The following MYL3 variants were observed in gnomAD, a reference collection of about 807,000 sequenced individuals.
MYL3 encodes CMLC1.
MYL3 carries 11 observed loss-of-function variants against 21.3 expected under a neutral mutation model. The ratio of observed to expected loss-of-function variants is 0.52; its 90% CI spans 0.32 to 0.85. The LOEUF is 0.85. Ranked by LOEUF, MYL3 falls within the 40% of genes least tolerant of loss-of-function variation. MYL3 has a pLI of 0.03. For synonymous variants in MYL3, 88 were observed against 91.6 expected (o/e 0.96, Z 0.22); for missense variants, 206 against 253.3 (o/e 0.81, Z 1.27).
intron 1 of MYL3, chr3:46,881,944 G>C (rs967979234): frequency 3.9e-5 from 6 of 152,028 alleles, no homozygotes; most frequent in African/African-American, 1.5e-4. Context: ...AGCGGGGGCC[G>C]GATGATCAAG....
At chr3:46,864,523 A>G (rs550762906), upstream of MYL3, among the ~76,000 whole-genome samples, 1 of 152,222 alleles carries the variant, frequency 6.6e-6, no homozygotes, top group African/African-American at 2.4e-5. The surrounding 1 kb of genome is among the most constrained non-coding windows in gnomAD (Gnocchi z 4.7). Flanking sequence ...CTCTGCCCAG[A>G]GTGCCCTCGC....
At chr3:46,878,280 C>G (rs868324204) in intron 1 of MYL3, among the ~76,000 whole-genome samples, 1 of 152,340 alleles carries the variant, frequency 6.6e-6, no homozygotes, top group African/African-American at 2.4e-5. Context: ...AAAGTGGCAC[C>G]TCGCTTCACT....
At position 46,859,675 on chromosome 3, in the gene MYL3, G is replaced by A. The variant is rs775782581; in HGVS notation, c.308-27C>T. On this transcript the variant is annotated intron_variant, in intron 3 of 6. Coordinates refer to ENST00000292327, the MANE Select transcript of MYL3 (RefSeq NM_000258.3). This position sits in a 1 kb window ranked among gnomAD's most constrained non-coding sequence, Gnocchi z 4.1. ...TGCAGAGAAATGGTCCCAGGTTCCA[G>A]GGTCTAAGGCTGGGGTGGGCACACC... 1.2e-6 allele frequency: 2 copies of A among 1,614,028 alleles called. No homozygotes were observed. The highest frequency in any genetic ancestry group is 3.3e-5 in the Admixed American group (2 of 60,030).
At chr3:46,864,689 C>T (rs1483138883), upstream of MYL3, among the ~76,000 whole-genome samples, 1 of 152,216 alleles carries the variant, frequency 6.6e-6, no homozygotes, top group Non-Finnish European at 1.5e-5. This position sits in a 1 kb window ranked among gnomAD's most constrained non-coding sequence, Gnocchi z 4.7. Flanking sequence ...AGCTGCCAAG[C>T]AGGGTCTGCC....
chr3:46,865,105 C>T (rs2106916929), upstream of MYL3, among the ~76,000 whole-genome samples: 1 of 152,262 alleles, frequency 6.6e-6, no homozygotes, highest in South Asian at 2.1e-4. This position sits in a 1 kb window ranked among gnomAD's most constrained non-coding sequence, Gnocchi z 4.3. Flanking sequence ...ACCTGGCACG[C>T]CCTGCTGTCT....
At chr3:46,863,927 G>A (rs984625336), upstream of MYL3, among the ~76,000 whole-genome samples, 9 of 152,034 alleles carry the variant, frequency 5.9e-5, no homozygotes, top group Admixed American at 2.0e-4. Context: ...GGGGGAAGGC[G>A]GAAGTCAGCA....
At chr3:46,881,324 C>A (rs1429689532) in intron 1 of MYL3, among the ~76,000 whole-genome samples, 1 of 152,176 alleles carries the variant, frequency 6.6e-6, no homozygotes, top group Admixed American at 6.5e-5. Context: ...CCCTCCCCAG[C>A]CAAACACAGA....
At chr3:46,858,203 G>C (rs781174287) in intron 6 of MYL3, 28 bp downstream of exon 6, 2 of 1,613,302 alleles carry the variant, frequency 1.2e-6, no homozygotes, top group South Asian at 1.1e-5. Flanking sequence ...GGTGGCAGCA[G>C]CGGGTTCAGG....
At chr3:46,868,752 T>C (rs1197967889) in intron 1 of MYL3, among the ~76,000 whole-genome samples, 3 of 152,220 alleles carry the variant, frequency 2.0e-5, no homozygotes, top group African/African-American at 4.8e-5. Flanking sequence ...TGGCCCTGAC[T>C]TCTCAGGGGC....
rs1391987127 is a variant in MYL3 at position 46,859,489 on chromosome 3, A to C, written c.467T>G (p.Val156Gly). 6.2e-7 allele frequency: 1 copy of C among 1,614,200 alleles called. No individual in the cohort carries two copies. The highest frequency in any genetic ancestry group is 1.1e-5 in the South Asian group (1 of 91,088). Residue 156 changes from valine to glycine, a missense_variant, in exon 4 of 7, where the codon GTG (valine) becomes GGG (glycine). Transcript: ENST00000292327. This position sits in a 1 kb window ranked among gnomAD's most constrained non-coding sequence, Gnocchi z 4.1. The part of the protein sequence containing the change: ...GTVMGAELRH[V>G]LATLGERLTE... ...GCTGCCCTCACCCAGCGTGGCCAGC[A>C]CGTGGCGAAGCTCAGCACCCATGAC...
At chr3:46,858,691 A>AG (rs1187272636) in intron 4 of MYL3, among the ~76,000 whole-genome samples, 1 of 152,086 alleles carries the variant, frequency 6.6e-6, no homozygotes, top group Non-Finnish European at 1.5e-5. Flanking sequence ...CTAGGCTGGG[A>AG]GGGGGTCCCT....
intron 1 of MYL3, among the ~76,000 whole-genome samples, chr3:46,872,798 C>T (rs957085746): frequency 6.6e-6 from 1 of 152,230 alleles, no homozygotes; most frequent in Non-Finnish European, 1.5e-5. Context: ...GAGAAGATGC[C>T]GTCAGGCAGA....
chr3:46,879,486 T>C lies in MYL3; in HGVS notation c.-218+2588A>G, dbSNP rs2030424158. On this transcript the variant is annotated intron_variant, in intron 1 of 3. Transcript: ENST00000431168. This position sits in a 1 kb window ranked among gnomAD's most constrained non-coding sequence, Gnocchi z 4.7. ...GGCCAGGTGCGGTGGTTCATGCCTG[T>C]AATCCCAGCACTTTGGGAGGCCGAG... Among the ~76,000 whole-genome samples the C allele has an allele frequency of 1.3e-5, 2 of 152,164 alleles. No homozygotes were observed. Among genetic ancestry groups the C allele is most frequent in the African/African-American group, 2.4e-5 (1 of 41,430 alleles).
At chr3:46,873,186 G>A (rs2030005150) in intron 1 of MYL3, among the ~76,000 whole-genome samples, 1 of 152,224 alleles carries the variant, frequency 6.6e-6, no homozygotes, top group South Asian at 2.1e-4. Flanking sequence ...TCAGAGAGGA[G>A]GGGGCCTTTG....
At chr3:46,877,861 G>C (rs74525216) in intron 1 of MYL3, 93 of 152,408 alleles carry the variant, frequency 6.1e-4, no homozygotes, top group African/African-American at 2.2e-3. Context: ...GGGGCCAGGG[G>C]AGCCTAGGGG....
Position 46,860,601 on chromosome 3 carries a change from G to T in MYL3, c.307+75C>A. On this transcript the variant is annotated intron_variant, in intron 3 of 6. Transcript: ENST00000292327. This position sits in a 1 kb window ranked among gnomAD's most constrained non-coding sequence, Gnocchi z 4.6. ...TCAGGAAAGATTCTCGTGCTATCCC[G>T]CAGGATGGATGGCAGCCCACCCAGC... 3 of 1,587,234 alleles carry T rather than the reference G, an allele frequency of 1.9e-6. No homozygotes were observed. Among genetic ancestry groups the T allele is most frequent in the East Asian group, 2.2e-5 (1 of 44,588 alleles).
intron 1 of MYL3, among the ~76,000 whole-genome samples, chr3:46,881,700 G>C (rs572345384): frequency 6.6e-6 from 1 of 152,216 alleles, no homozygotes; most frequent in Non-Finnish European, 1.5e-5. Context: ...TGGGACTGAG[G>C]GCAGGGGACG....
intron 1 of MYL3, among the ~76,000 whole-genome samples, chr3:46,875,644 G>A (rs928833295): frequency 6.6e-6 from 1 of 152,188 alleles, no homozygotes; most frequent in Non-Finnish European, 1.5e-5. Flanking sequence ...ATGTGCATGG[G>A]GCAAGAACTG....
chr3:46,880,283 A>G (rs1053864580), intron 1 of MYL3: 3 of 152,338 alleles, frequency 2.0e-5, no homozygotes, highest in Non-Finnish European at 4.4e-5. Flanking sequence ...AGCAGCAAGG[A>G]CAAAGGCAGG....
Sources: allele counts gnomAD v4.1 joint callset (sites outside exome capture counted in the v4.1 genomes callset), GRCh38; gene constraint gnomAD v4.1.1; non-coding constraint Gnocchi (gnomAD v3.1); transcripts MANE v1.5; gene names NCBI Gene and HGNC (gene_info 2026-07-23, HGNC 2026-07-21).